MAGI2: variants seen among roughly 807,000 people sequenced by gnomAD.
MAGI2 encodes membrane-associated guanylate kinase, WW and PDZ domain-containing protein 2.
Under a neutral mutation model 133.3 loss-of-function variants are expected in MAGI2, and 35 were observed. The observed-to-expected ratio is 0.26, with a 90% CI of 0.20 to 0.35. MAGI2 has a LOEUF of 0.35. Among genes scored for constraint, MAGI2 ranks in the 10% least tolerant of loss-of-function variants. The probability of loss-of-function intolerance (pLI) is 1.00; values close to 1 mark genes in which losing one functional copy is unlikely to be tolerated. For synonymous variants in MAGI2, 729 were observed against 710.6 expected (o/e 1.03, Z -0.41); for missense variants, 1,636 against 1,863.4 (o/e 0.88, Z 2.25).
At chr7:78,024,519 C>G (rs556088325) in intron 21 of MAGI2, among the ~76,000 whole-genome samples, 1 of 152,316 alleles carries the variant, frequency 6.6e-6, no homozygotes, top group Admixed American at 6.5e-5. Context: ...ATCCTTGATT[C>G]CTTTCTCTCC....
At chr7:78,750,005 G>GT (rs1823297683) in intron 2 of MAGI2, among the ~76,000 whole-genome samples, 1 of 151,996 alleles carries the variant, frequency 6.6e-6, no homozygotes, top group Non-Finnish European at 1.5e-5. Context: ...TCTACATTAG[G>GT]TATTTCTCCT....
At chr7:79,384,483 A>G (rs1844039441) in intron 1 of MAGI2, among the ~76,000 whole-genome samples, 1 of 151,628 alleles carries the variant, frequency 6.6e-6, no homozygotes, top group East Asian at 1.9e-4. Flanking sequence ...CATTTGCTAT[A>G]TAACTTTTTC....
intron 2 of MAGI2, among the ~76,000 whole-genome samples, chr7:78,931,796 T>A (rs954456077): frequency 6.6e-6 from 1 of 152,096 alleles, no homozygotes; most frequent in African/African-American, 2.4e-5. Context: ...TGATCTTTCC[T>A]TTCACTCTCA....
At chr7:78,069,537 G>T (rs1247522263) in intron 21 of MAGI2, among the ~76,000 whole-genome samples, 1 of 106,194 alleles carries the variant, frequency 9.4e-6, no homozygotes, top group African/African-American at 3.8e-5. Flanking sequence ...AAGAAAGAGA[G>T]AGGAGAGAGA....
intron 2 of MAGI2, among the ~76,000 whole-genome samples, chr7:78,733,818 A>C (rs573234616): frequency 1.3e-5 from 2 of 152,334 alleles, no homozygotes; most frequent in East Asian, 3.9e-4. Flanking sequence ...TACCACTAAT[A>C]TAAGTGAAGT....
chr7:79,128,949 C>T (rs1286620467), intron 1 of MAGI2, among the ~76,000 whole-genome samples: 1 of 152,186 alleles, frequency 6.6e-6, no homozygotes, highest in Non-Finnish European at 1.5e-5. Flanking sequence ...CGGCTCACTG[C>T]AACCTCCATC....
chr7:78,599,393 C>T (rs1804948481), intron 3 of MAGI2, among the ~76,000 whole-genome samples: 1 of 152,048 alleles, frequency 6.6e-6, no homozygotes, highest in Admixed American at 6.6e-5. Context: ...GTGACATAAG[C>T]CATGTTTACT....
intron 10 of MAGI2, among the ~76,000 whole-genome samples, chr7:78,223,468 C>A (rs1789038220): frequency 6.6e-6 from 1 of 152,074 alleles, no homozygotes; most frequent in South Asian, 2.1e-4. Flanking sequence ...ATAGTGGTGA[C>A]AGCAATCCAA....
intron 1 of MAGI2, among the ~76,000 whole-genome samples, chr7:79,225,702 T>C (rs1830792785): frequency 2.6e-5 from 4 of 152,182 alleles, no homozygotes; most frequent in East Asian, 1.9e-4. Context: ...AATGTGTGCA[T>C]ATAAAATTAT....
rs976128167 is a variant in MAGI2 at position 78,293,332 on chromosome 7, A to C, written c.1409-36751T>G. On this transcript the variant is annotated intron_variant, in intron 9 of 21. Transcript: ENST00000354212. ...TTATGCAGCCAACAGACACGTGAAA[A>C]AATGCTCATCATCACTGGCCATCAG... Among the ~76,000 whole-genome samples, 8 of 152,328 alleles carry C rather than the reference A, an allele frequency of 5.3e-5. No individual in the cohort carries two copies. In the South Asian group the frequency reaches 1.7e-3, roughly 32 times the overall value.
At chr7:78,278,733 A>G (rs1315607920) in intron 9 of MAGI2, among the ~76,000 whole-genome samples, 1 of 152,190 alleles carries the variant, frequency 6.6e-6, no homozygotes, top group Non-Finnish European at 1.5e-5. Context: ...GGTTTCCCTG[A>G]GGAAGAAGAA....
At chr7:79,188,231 C>T (rs535451886) in intron 1 of MAGI2, among the ~76,000 whole-genome samples, 85 of 151,862 alleles carry the variant, frequency 5.6e-4, no homozygotes, top group Non-Finnish European at 9.3e-4. Flanking sequence ...AGGTATTAAG[C>T]CCAGCATGCA....
intron 6 of MAGI2, among the ~76,000 whole-genome samples, chr7:78,476,903 T>A (rs1440466767): frequency 6.6e-5 from 10 of 151,734 alleles, no homozygotes; most frequent in East Asian, 3.9e-4. Context: ...AAATGCTTTT[T>A]AAAAAATCAT....
chr7:78,918,552 G>A (rs1278927193), intron 2 of MAGI2, among the ~76,000 whole-genome samples: 1 of 152,092 alleles, frequency 6.6e-6, no homozygotes, highest in Non-Finnish European at 1.5e-5. Context: ...TATAAATCCA[G>A]CTCTAGCTTA....
intron 12 of MAGI2, among the ~76,000 whole-genome samples, chr7:78,191,170 T>C (rs1401351404): frequency 6.6e-6 from 1 of 152,170 alleles, no homozygotes; most frequent in African/African-American, 2.4e-5. Flanking sequence ...GGCAGAGTTA[T>C]ACTTTTATAT....
At chr7:78,086,147 TACTG>T (rs1237215385) in intron 20 of MAGI2, among the ~76,000 whole-genome samples, 7 of 152,192 alleles carry the variant, frequency 4.6e-5, no homozygotes, top group African/African-American at 1.7e-4. Flanking sequence ...TGTCAACTGT[TACTG>T]ATATTAATCT....
In MAGI2 at chr7:78,541,344, T is replaced by C. The variant is rs76095465; in HGVS notation, c.539-19699A>G. ...TAGCCCTTCTATTTTCCTGTAATTA[T>C]TTATTTGATGTCTGCAAAGCCCTAA... On this transcript the variant is annotated intron_variant, in intron 3 of 21. Transcript: ENST00000354212. Among the ~76,000 whole-genome samples, 105 of 152,348 alleles carry C rather than the reference T, an allele frequency of 6.9e-4. 1 individual carries two copies. The East Asian group carries it at 0.018, about 27-fold the overall frequency.
Position 78,019,905 on chromosome 7 carries a change from C to T in MAGI2, c.3778G>A (p.Asp1260Asn), listed in dbSNP as rs1294879610. 2.5e-6 allele frequency: 4 copies of T among 1,610,746 alleles called. No individual in the cohort carries two copies. The highest frequency in any genetic ancestry group is 1.7e-5 in the Admixed American group (1 of 59,610). Reference protein sequence around the residue: ...GLPEVGVSLDDGLAPFSPSHP... With the variant: ...GLPEVGVSLDNGLAPFSPSHP... ...GATGGAGAGAATGGAGCGAGGCCGT[C>T]GTCCAGGGAGACGCCTACTTCCGGC... The change falls in exon 22 of 22, where the codon GAC becomes AAC. Residue 1260 changes from aspartate to asparagine, a missense_variant. Asp to Asn is a conservative substitution (Grantham distance 23, BLOSUM62 1). This residue lies in a region of MAGI2 where 354 missense variants were observed against 298.7 expected (regional missense o/e 1.19). Coordinates refer to ENST00000354212, the MANE Select transcript of MAGI2 (RefSeq NM_012301.4).
At chr7:78,292,336 G>A (rs1310226722) in intron 9 of MAGI2, among the ~76,000 whole-genome samples, 5 of 152,160 alleles carry the variant, frequency 3.3e-5, no homozygotes, top group African/African-American at 1.2e-4. Context: ...ATTCACAACT[G>A]CTTCAAAGAG....
Sources: gnomAD v4.1 joint callset for allele counts (sites outside exome capture counted in the v4.1 genomes callset) on GRCh38, gnomAD v4.1.1 for gene constraint, gnomAD v4.1.1 regional missense constraint, MANE v1.5 for transcripts, NCBI Gene and HGNC (gene_info 2026-07-23, HGNC 2026-07-21) for gene names.